The following POU2F1 variants were observed in gnomAD, a reference collection of about 807,000 sequenced individuals.
POU2F1 encodes POU class 2 homeobox 1, also known as POU domain, class 2, transcription factor 1.
A neutral mutation model predicts 84.9 loss-of-function variants in POU2F1; 16 were observed. That is an observed-to-expected ratio of 0.19 (90% confidence interval 0.13 to 0.29). The LOEUF (loss-of-function observed/expected upper bound fraction) is 0.29. Ranked by LOEUF, POU2F1 falls within the 10% of genes least tolerant of loss-of-function variation. POU2F1 has a pLI of 1.00. For missense variants in POU2F1, 738 were observed against 942.6 expected, an observed-to-expected ratio of 0.78 and a Z score of 2.84; for synonymous variants, 368 against 368.3, an observed-to-expected ratio of 1.00 and a Z score of 0.01.
intron 1 of POU2F1, among the ~76,000 whole-genome samples, chr1:167,227,149 T>A (rs1413939364): frequency 6.6e-6 from 1 of 151,922 alleles, no homozygotes; most frequent in Non-Finnish European, 1.5e-5. Flanking sequence ...TTATACTAAC[T>A]TTTTTTTAAC....
intron 1 of POU2F1, among the ~76,000 whole-genome samples, chr1:167,295,575 T>C (rs547587549): frequency 6.6e-6 from 1 of 152,350 alleles, no homozygotes; most frequent in African/African-American, 2.4e-5. Flanking sequence ...ACAACATCAC[T>C]ATTCAGATGA....
intron 1 of POU2F1, among the ~76,000 whole-genome samples, chr1:167,324,943 C>T (rs1046039079): frequency 1.3e-5 from 2 of 152,104 alleles, no homozygotes; most frequent in Non-Finnish European, 2.9e-5. Flanking sequence ...TTTACATAGT[C>T]TGTGATGTAG....
chr1:167,365,129 G>T (rs1028116250), intron 2 of POU2F1, among the ~76,000 whole-genome samples: 1 of 152,204 alleles, frequency 6.6e-6, no homozygotes, highest in Non-Finnish European at 1.5e-5. Flanking sequence ...AAATAGAAGA[G>T]AGCCTCAGGG....
At chr1:167,386,166 A>G (rs958395476) in intron 8 of POU2F1, among the ~76,000 whole-genome samples, 1 of 151,962 alleles carries the variant, frequency 6.6e-6, no homozygotes, top group African/African-American at 2.4e-5. Flanking sequence ...TGGTATACAC[A>G]CTTTGGAAAT....
rs1397562410 is a variant in POU2F1, at chr1:167,400,886, A to T, written c.1450-565A>T. 3.3e-5 allele frequency among the ~76,000 whole-genome samples: 5 copies of T among 152,252 alleles called. No homozygotes were observed. In the East Asian group the frequency reaches 7.7e-4, roughly 23 times the overall value. ...GTTGTTAAATGGTGGGCCTGTAGTCATAAAGTTATGAGATAGTTATGAAAA... is the reference window on the plus strand; with the variant it reads ...GTTGTTAAATGGTGGGCCTGTAGTCTTAAAGTTATGAGATAGTTATGAAAA... On this transcript the variant is annotated intron_variant, in intron 12 of 15. Transcript: ENST00000367866.
At position 167,365,699 on chromosome 1, in the gene POU2F1, T is replaced by C. The variant is rs1388032776; in HGVS notation, c.228+132T>C. 1.5e-5 allele frequency: 9 copies of C among 610,454 alleles called. No homozygotes were observed. The East Asian group carries it at 3.0e-4, about 20-fold the overall frequency. The allele number at this position is 610,454 out of a possible 1,614,324, so 37.8% of individuals were successfully genotyped here. ...GCCTAGTGCTAATTGTGTAATTGTG[T>C]CATTCTATTTGGTTAGTATGAAATC... On this transcript the variant is annotated intron_variant, in intron 3 of 15. Coordinates refer to ENST00000367866, the MANE Select transcript of POU2F1 (RefSeq NM_002697.4).
Position 167,343,686 on chromosome 1 carries a change from T to TGA in POU2F1, c.127+11152_127+11153dup, listed in dbSNP as rs1658014843. 3.7e-5 allele frequency among the ~76,000 whole-genome samples: 3 copies of TGA among 80,454 alleles called. 1 individual carries two copies. The highest frequency in any genetic ancestry group is 2.7e-4 in the Admixed American group (2 of 7,308). 52.8% of individuals were successfully genotyped at this position (80,454 alleles called of 152,430 possible). Reference sequence around the variant, plus strand: ...TTTTTTTTTTTTTTTTTTTTTTTTTTGAAGGAAGGAAAGGGAGTAATTTAA... The same window carrying TGA: ...TTTTTTTTTTTTTTTTTTTTTTTTTTGAGAAGGAAGGAAAGGGAGTAATTTAA... On this transcript the variant is annotated intron_variant, in intron 2 of 15. Coordinates refer to ENST00000367866, the MANE Select transcript of POU2F1 (RefSeq NM_002697.4).
chr1:167,256,022 G>C lies in POU2F1; in HGVS notation c.61+35064G>C, dbSNP rs150330376. On this transcript the variant is annotated intron_variant, in intron 1 of 15. Transcript: ENST00000367866. ...CGGGGTGGTGTTTACTTTGCTTCAG[G>C]ATTCAGGATTGTGTTCCCCTAGTTA... Among the ~76,000 whole-genome samples the C allele has an allele frequency of 5.9e-5, 9 of 152,268 alleles. No homozygotes were observed. The South Asian group carries it at 1.9e-3, about 32-fold the overall frequency.
chr1:167,342,996 C>G (rs1033617086), intron 2 of POU2F1, among the ~76,000 whole-genome samples: 14 of 151,566 alleles, frequency 9.2e-5, no homozygotes, highest in Non-Finnish European at 1.6e-4. Context: ...GAAGCAAATA[C>G]CAAACACCTG....
rs563584900 is a variant in POU2F1, at chr1:167,315,936, G to A, written c.62-16534G>A. 2.3e-3 allele frequency among the ~76,000 whole-genome samples: 348 copies of A among 152,158 alleles called. 2 individuals are homozygous for A. The highest frequency in any genetic ancestry group is 5.3e-3 in the Admixed American group (81 of 15,286). On this transcript the variant is annotated intron_variant, in intron 1 of 15. Coordinates refer to ENST00000367866, the MANE Select transcript of POU2F1 (RefSeq NM_002697.4). ...ACCAAAGCTTTGTTGGATCTCAAAG[G>A]CATACATAATGCCAAGTAAAAAATG...
chr1:167,422,979 C>G lies in POU2F1; in HGVS notation c.*7169C>G, dbSNP rs2949665. ...CTTTAAAGATGGATAGTTGCTCAAT[C>G]TAGCAGTGATGTTCTTGGAATTGCT... On this transcript the variant is annotated 3_prime_UTR_variant, in exon 16 of 16. Transcript: ENST00000367866. 134,929 of 152,258 alleles carry G rather than the reference C, an allele frequency of 0.89. 60,991 individuals are homozygous for G. The highest frequency in any genetic ancestry group is 0.98 in the East Asian group (5,060 of 5,186). The allele number at this position is 152,258 out of a possible 1,614,324, so 9.4% of individuals were successfully genotyped here. A position where few individuals can be genotyped will look rare whatever the true frequency, so the allele number is the denominator to read the frequency against.
At chr1:167,316,301 ATCTTTGAAGAT>A (rs1394885524) in intron 1 of POU2F1, among the ~76,000 whole-genome samples, 1 of 152,244 alleles carries the variant, frequency 6.6e-6, no homozygotes, top group African/African-American at 2.4e-5. Flanking sequence ...CATGGGACCC[ATCTTTGAAGAT>A]TCCTTTGCAT....
chr1:167,238,222 T>C (rs1649647943), intron 1 of POU2F1, among the ~76,000 whole-genome samples: 1 of 152,176 alleles, frequency 6.6e-6, no homozygotes, highest in African/African-American at 2.4e-5. Context: ...TCTCTCAAGT[T>C]GGTTTATAGA....
At chr1:167,265,528 AAAG>A (rs1259333988) in intron 1 of POU2F1, among the ~76,000 whole-genome samples, 8 of 152,236 alleles carry the variant, frequency 5.3e-5, no homozygotes, top group Non-Finnish European at 8.8e-5. Context: ...GGTGAAGGTT[AAAG>A]AAGATTTGAT....
intron 1 of POU2F1, among the ~76,000 whole-genome samples, chr1:167,247,038 ATGTGTGTGTG>A (rs10592064): frequency 5.3e-5 from 4 of 74,944 alleles, no homozygotes; most frequent in Non-Finnish European, 1.2e-4. Flanking sequence ...TTATATATAT[ATGTGTGTGTG>A]TGTGTGTGTG....
chr1:167,378,313 G>A (rs563674043), intron 7 of POU2F1, among the ~76,000 whole-genome samples: 15 of 152,056 alleles, frequency 9.9e-5, no homozygotes, highest in African/African-American at 3.6e-4. Flanking sequence ...TCGGCCCACC[G>A]CAACCTCCGC....
intron 1 of POU2F1, among the ~76,000 whole-genome samples, chr1:167,320,372 T>A (rs748663606): frequency 3.3e-5 from 5 of 152,214 alleles, no homozygotes; most frequent in African/African-American, 4.8e-5. Flanking sequence ...TTTCAGCACC[T>A]TCAATTGGTT....
At chr1:167,242,235 A>G (rs1391294) in intron 1 of POU2F1, among the ~76,000 whole-genome samples, 138,516 of 152,276 alleles carry the variant, frequency 0.91, 63,949 homozygotes, top group East Asian at 1. Context: ...AGAGTTTCAA[A>G]GCCGCAATTT....
intron 3 of POU2F1, among the ~76,000 whole-genome samples, chr1:167,369,769 A>T (rs1659892331): frequency 6.6e-6 from 1 of 152,208 alleles, no homozygotes; most frequent in Non-Finnish European, 1.5e-5. Context: ...ATTGTTTCTA[A>T]TAATAAAGAA....
Sources: allele counts gnomAD v4.1 joint callset (sites outside exome capture counted in the v4.1 genomes callset), GRCh38; gene constraint gnomAD v4.1.1; transcripts MANE v1.5; gene names NCBI Gene and HGNC (gene_info 2026-07-23, HGNC 2026-07-21).